The following SEC31A variants were observed in gnomAD, a reference collection of about 807,000 sequenced individuals.
The protein encoded by SEC31A is SEC31 homolog A, COPII component.
SEC31A carries 70 observed loss-of-function variants against 151.0 expected under a neutral mutation model. The ratio of observed to expected loss-of-function variants is 0.46; its 90% CI spans 0.38 to 0.57. The LOEUF is 0.57. Ranked by LOEUF, SEC31A falls within the 20% of genes least tolerant of loss-of-function variation. SEC31A has a pLI of 0.00. For synonymous variants in SEC31A, 475 were observed against 505.9 expected (o/e 0.94, Z 0.82); for missense variants, 1,330 against 1,471.2 (o/e 0.90, Z 1.57).
intron 6 of SEC31A, among the ~76,000 whole-genome samples, chr4:82,872,626 A>C (rs1736984991): frequency 6.6e-6 from 1 of 152,248 alleles, no homozygotes; most frequent in South Asian, 2.1e-4. Flanking sequence ...ACACAAAACC[A>C]TTCTGAGTCA....
chr4:82,835,975 G>A (rs72662857), intron 22 of SEC31A, among the ~76,000 whole-genome samples: 2,997 of 152,194 alleles, frequency 0.02, 47 homozygotes, highest in Non-Finnish European at 0.032. Context: ...CATTCCTGGC[G>A]GGAACGTAAA....
chr4:82,891,475 G>A (rs1719753886), upstream of SEC31A, among the ~76,000 whole-genome samples: 1 of 152,190 alleles, frequency 6.6e-6, no homozygotes, highest in South Asian at 2.1e-4. Context: ...CCGTCTGGCC[G>A]AATAACCGCC....
intron 8 of SEC31A, among the ~76,000 whole-genome samples, chr4:82,869,668 CTT>C (rs1375901531): frequency 6.6e-5 from 10 of 151,998 alleles, no homozygotes; most frequent in African/African-American, 2.4e-4. Flanking sequence ...TTTTTTTTCT[CTT>C]GTCTCCCCTA....
intron 22 of SEC31A, among the ~76,000 whole-genome samples, chr4:82,840,557 C>T (rs1423599936): frequency 6.6e-6 from 1 of 152,136 alleles, no homozygotes; most frequent in South Asian, 2.1e-4. Flanking sequence ...ATTATACAGT[C>T]ATGTGTCACT....
chr4:82,847,133 T>C (rs1730407315), intron 20 of SEC31A, among the ~76,000 whole-genome samples: 1 of 152,238 alleles, frequency 6.6e-6, no homozygotes, highest in Admixed American at 6.5e-5. Context: ...TTTTAGGGGT[T>C]AAGTTCTGGG....
At chr4:82,870,251 C>A in intron 8 of SEC31A, 74 bp downstream of exon 8, 1 of 1,157,530 alleles carries the variant, frequency 8.6e-7, no homozygotes, top group Non-Finnish European at 1.3e-6. Flanking sequence ...AGAATCCACA[C>A]AGAAAATTTC....
intron 17 of SEC31A, 73 bp downstream of exon 17, chr4:82,854,830 T>A: frequency 7.4e-7 from 1 of 1,355,668 alleles, no homozygotes. Flanking sequence ...TAATAAAATT[T>A]GTCATTTAAG....
chr4:82,872,443 C>A (rs1736932336), intron 6 of SEC31A, among the ~76,000 whole-genome samples: 1 of 152,196 alleles, frequency 6.6e-6, no homozygotes, highest in South Asian at 2.1e-4. Flanking sequence ...CCCACCTCGG[C>A]CTCCTAAAGT....
Position 82,871,308 on chromosome 4 carries a change from GCATA to G in SEC31A, c.782+632_782+635del, listed in dbSNP as rs1736603923. On this transcript the variant is annotated intron_variant, in intron 7 of 26. Coordinates refer to ENST00000395310, the MANE Select transcript of SEC31A (RefSeq NM_001077207.4). ...TAAAAATTATATTGGGATTATACAT[GCATA>G]CACACACACACACACACACACACAC... The G allele has an allele frequency of 4.4e-5, 58 of 1,324,086 alleles. 1 individual carries two copies. The South Asian group carries it at 4.4e-4, about 10-fold the overall frequency. The allele number at this position is 1,324,086 out of a possible 1,614,324, so 82.0% of individuals were successfully genotyped here.
intron 18 of SEC31A, among the ~76,000 whole-genome samples, chr4:82,852,297 T>C (rs1350301468): frequency 6.6e-6 from 1 of 152,156 alleles, no homozygotes; most frequent in African/African-American, 2.4e-5. Flanking sequence ...TTCATTGCAG[T>C]ATGAAAATGG....
chr4:82,827,217 T>C (rs752006267), intron 24 of SEC31A, 152 bp downstream of exon 24: 55 of 824,692 alleles, frequency 6.7e-5, no homozygotes, highest in Non-Finnish European at 9.4e-5. Context: ...ATAATATACA[T>C]ACATGATCGA....
intron 8 of SEC31A, among the ~76,000 whole-genome samples, chr4:82,868,849 C>T (rs1280329801): frequency 1.3e-5 from 2 of 152,108 alleles, no homozygotes; most frequent in East Asian, 3.9e-4. Flanking sequence ...AACACGCCAC[C>T]ACACCCAGCT....
intron 17 of SEC31A, 126 bp downstream of exon 17, chr4:82,854,777 G>T (rs1417127615): frequency 2.2e-6 from 2 of 915,482 alleles, no homozygotes; most frequent in Non-Finnish European, 3.1e-6. Context: ...GCACTGAAAT[G>T]AGAATTTTTC....
rs771594164 is a variant in SEC31A at position 82,824,843 on chromosome 4, CAG to C, written c.3292-171_3292-170del. Among the ~76,000 whole-genome samples the C allele has an allele frequency of 1.4e-4, 21 of 152,016 alleles. No homozygotes were observed. In the Middle Eastern group the frequency reaches 0.01, roughly 74 times the overall value. On this transcript the variant is annotated intron_variant, in intron 24 of 26. Coordinates refer to ENST00000395310, the MANE Select transcript of SEC31A (RefSeq NM_001077207.4). ...ACTTACGATAAGTAAAAATAAAAAC[CAG>C]ATATCTAGTACAAAGTGTAGGCGCT...
chr4:82,880,635 C>A, intron 3 of SEC31A, 164 bp downstream of exon 3: 1 of 551,740 alleles, frequency 1.8e-6, no homozygotes, highest in Non-Finnish European at 3.0e-6. Flanking sequence ...ATAAACACTA[C>A]TTTTACTTCC....
chr4:82,822,740 G>A (rs1024061221), intron 25 of SEC31A, among the ~76,000 whole-genome samples: 17 of 152,188 alleles, frequency 1.1e-4, no homozygotes, highest in Non-Finnish European at 2.2e-4. Context: ...TTGAGAGGCC[G>A]AGGTGGGCGG....
chr4:82,867,760 G>A (rs1157933508), intron 8 of SEC31A, among the ~76,000 whole-genome samples: 1 of 152,102 alleles, frequency 6.6e-6, no homozygotes, highest in African/African-American at 2.4e-5. Flanking sequence ...AGCCTCCCAA[G>A]CAGCTGGGAT....
At chr4:82,846,576 A>G (rs767220398) in intron 20 of SEC31A, among the ~76,000 whole-genome samples, 24 of 151,866 alleles carry the variant, frequency 1.6e-4, no homozygotes, top group Non-Finnish European at 3.2e-4. Flanking sequence ...CCTCCTCTTC[A>G]GCATATTCAA....
intron 22 of SEC31A, among the ~76,000 whole-genome samples, chr4:82,830,697 T>C (rs970556865): frequency 1.3e-5 from 2 of 152,226 alleles, no homozygotes; most frequent in African/African-American, 4.8e-5. Context: ...CTTGGCATAG[T>C]TGTTTTCTTT....
Sources: allele counts gnomAD v4.1 joint callset (sites outside exome capture counted in the v4.1 genomes callset), GRCh38; gene constraint gnomAD v4.1.1; transcripts MANE v1.5; gene names NCBI Gene and HGNC (gene_info 2026-07-23, HGNC 2026-07-21).